CORIN: variants seen among roughly 807,000 people sequenced by gnomAD.
CORIN encodes corin, serine peptidase, also known as atrial natriuretic peptide-converting enzyme.
CORIN carries 117 observed loss-of-function variants against 125.3 expected under a neutral mutation model. The observed-to-expected ratio is 0.93, with a 90% confidence interval of 0.80 to 1.09. The LOEUF (loss-of-function observed/expected upper bound fraction) is 1.09, where lower values mean the gene tolerates loss of function less well. Among genes scored for constraint, CORIN ranks in the 50% least tolerant of loss-of-function variants. The pLI is 0.00. For missense variants in CORIN, 1,253 were observed against 1,306.7 expected (o/e 0.96, Z 0.63); for synonymous variants, 450 against 466.4 (o/e 0.96, Z 0.45).
chr4:47,763,299 C>T, intron 4 of CORIN, 80 bp downstream of exon 4: 1 of 1,076,124 alleles, frequency 9.3e-7, no homozygotes, highest in Non-Finnish European at 1.4e-6. Context: ...AAAAGGGAGT[C>T]ATTTGGATAA....
intron 8 of CORIN, 143 bp from the exon 9 acceptor site, chr4:47,678,197 T>C: frequency 1.6e-6 from 1 of 643,872 alleles, no homozygotes. Context: ...ATTGATTTTA[T>C]TTCTAGAATT....
At chr4:47,821,244 A>C (rs546754153) in intron 1 of CORIN, among the ~76,000 whole-genome samples, 11 of 152,120 alleles carry the variant, frequency 7.2e-5, no homozygotes, top group South Asian at 4.1e-4. Flanking sequence ...CAAAAAAAAA[A>C]CAAAATGAAC....
Position 47,693,597 on chromosome 4 carries a change from T to C in CORIN, c.800-514A>G, listed in dbSNP as rs116567643. 6.2e-3 allele frequency among the ~76,000 whole-genome samples: 950 copies of C among 152,302 alleles called. 7 individuals are homozygous for C. Among genetic ancestry groups the C allele is most frequent in the African/African-American group, 0.021 (882 of 41,570 alleles). On this transcript the variant is annotated intron_variant, in intron 5 of 21. Coordinates refer to ENST00000273857, the MANE Select transcript of CORIN (RefSeq NM_006587.4). ...AGCATAGAGACCCAGTGCCCTGTAT[T>C]TGAAATGTATTTACTTGCCTTAATG...
chr4:47,643,004 T>A (rs759687351), intron 15 of CORIN, 142 bp downstream of exon 15: 9 of 1,540,016 alleles, frequency 5.8e-6, no homozygotes, highest in African/African-American at 1.4e-5. Context: ...CACACATAGA[T>A]CAGCACTATC....
intron 19 of CORIN, among the ~76,000 whole-genome samples, chr4:47,617,534 G>A (rs902745894): frequency 2.6e-5 from 4 of 152,242 alleles, no homozygotes; most frequent in Admixed American, 2.0e-4. Flanking sequence ...AGGGCAGTGG[G>A]GAGTATGACG....
In CORIN at chr4:47,693,085, TAA is replaced by T. The variant is rs759496197; in HGVS notation, c.800-4_800-3del. 2.6e-6 allele frequency: 4 copies of T among 1,537,374 alleles called. No individual in the cohort carries two copies. Among genetic ancestry groups the T allele is most frequent in the Non-Finnish European group, 3.5e-6 (4 of 1,127,434 alleles). On this transcript the variant is annotated splice_polypyrimidine_tract_variant and splice_region_variant and intron_variant, in intron 5 of 21. Transcript: ENST00000273857. ...AGTTCTCACCCCTTCCACAGAGCACTAAAAAAAAAGGGCAGGAAATAATGTCA... is the reference window on the plus strand; with the variant it reads ...AGTTCTCACCCCTTCCACAGAGCACTAAAAAAAGGGCAGGAAATAATGTCA...
At chr4:47,755,492 C>T (rs931530777) in intron 4 of CORIN, among the ~76,000 whole-genome samples, 2 of 152,084 alleles carry the variant, frequency 1.3e-5, no homozygotes, top group Admixed American at 6.6e-5. Context: ...AACTTTAATG[C>T]TAAAATTTTC....
chr4:47,821,019 G>A (rs1189916302), intron 1 of CORIN, among the ~76,000 whole-genome samples: 5 of 152,146 alleles, frequency 3.3e-5, no homozygotes, highest in Non-Finnish European at 5.9e-5. Flanking sequence ...GGCGGATCAT[G>A]AGGTTAGGAG....
chr4:47,799,524 C>A (rs1731446860), intron 2 of CORIN, among the ~76,000 whole-genome samples: 1 of 152,004 alleles, frequency 6.6e-6, no homozygotes, highest in African/African-American at 2.4e-5. Flanking sequence ...TGATGTTGAG[C>A]ATTTTTTCAT....
chr4:47,785,320 C>A (rs1213881321), intron 3 of CORIN, among the ~76,000 whole-genome samples: 2 of 152,186 alleles, frequency 1.3e-5, no homozygotes, highest in African/African-American at 2.4e-5. Flanking sequence ...ATTCTGTATT[C>A]CGGAAGGGCA....
intron 20 of CORIN, among the ~76,000 whole-genome samples, chr4:47,602,099 C>T (rs1474698872): frequency 1.3e-5 from 2 of 150,696 alleles, no homozygotes; most frequent in Admixed American, 6.6e-5. Flanking sequence ...AACCCCGTCT[C>T]ACTAAAAATA....
intron 8 of CORIN, chr4:47,679,808 C>A: frequency 5.2e-6 from 1 of 191,594 alleles, no homozygotes; most frequent in Non-Finnish European, 1.1e-5. Flanking sequence ...AGAAAGGTTC[C>A]CCATTCTGTG....
At chr4:47,670,016 A>G (rs916452859) in intron 10 of CORIN, among the ~76,000 whole-genome samples, 1 of 152,192 alleles carries the variant, frequency 6.6e-6, no homozygotes, top group African/African-American at 2.4e-5. Flanking sequence ...TAATTTAACT[A>G]TAGAAGAACC....
chr4:47,672,137 T>TG (rs963020394), intron 10 of CORIN, among the ~76,000 whole-genome samples: 2 of 152,164 alleles, frequency 1.3e-5, no homozygotes, highest in Non-Finnish European at 2.9e-5. Flanking sequence ...TCTCCCACAC[T>TG]GAAAAGTGAC....
intron 13 of CORIN, among the ~76,000 whole-genome samples, chr4:47,646,863 T>C (rs1395411157): frequency 6.6e-6 from 1 of 152,182 alleles, no homozygotes; most frequent in African/African-American, 2.4e-5. Context: ...GTCGAATAAA[T>C]TATGTAGATG....
chr4:47,694,854 A>G (rs907059895), intron 5 of CORIN, among the ~76,000 whole-genome samples: 2 of 145,366 alleles, frequency 1.4e-5, no homozygotes, highest in Non-Finnish European at 2.9e-5. Context: ...CATAAAGCAG[A>G]AAAAAAACAA....
At chr4:47,822,974 C>T (rs774607189) in intron 1 of CORIN, among the ~76,000 whole-genome samples, 10 of 152,074 alleles carry the variant, frequency 6.6e-5, no homozygotes, top group Non-Finnish European at 1.3e-4. Context: ...TGCCAACATG[C>T]CCGGCTAATT....
intron 19 of CORIN, among the ~76,000 whole-genome samples, chr4:47,605,063 A>G (rs914673640): frequency 4.6e-5 from 7 of 152,020 alleles, no homozygotes; most frequent in Admixed American, 3.9e-4. Context: ...CAGCTCTCAC[A>G]TGGGTCCTAC....
rs181960608 is a variant in CORIN at position 47,789,288 on chromosome 4, G to C, written c.209-2363C>G. Among the ~76,000 whole-genome samples, 101 of 152,128 alleles carry C rather than the reference G, an allele frequency of 6.6e-4. 2 individuals are homozygous for C. The East Asian group carries it at 0.012, about 18-fold the overall frequency. Reference sequence around the variant, plus strand: ...CATTGCACTCCAGCCAGGGCAACAAGAGTGAAATTCTGTCTCAAAAATAAA... The same window carrying C: ...CATTGCACTCCAGCCAGGGCAACAACAGTGAAATTCTGTCTCAAAAATAAA... On this transcript the variant is annotated intron_variant, in intron 2 of 21. Transcript: ENST00000273857.
Sources: allele counts gnomAD v4.1 joint callset (sites outside exome capture counted in the v4.1 genomes callset), GRCh38; gene constraint gnomAD v4.1.1; transcripts MANE v1.5; gene names NCBI Gene and HGNC (gene_info 2026-07-23, HGNC 2026-07-21).